CLVS2: variants seen among roughly 807,000 people sequenced by gnomAD.
CLVS2 encodes clavesin-2.
CLVS2 carries 19 observed loss-of-function variants against 29.0 expected under a neutral mutation model. The observed-to-expected ratio is 0.66, with a 90% CI of 0.46 to 0.96. CLVS2 has a LOEUF of 0.96. Ranked by LOEUF, CLVS2 falls within the 40% of genes least tolerant of loss-of-function variation. The pLI is 0.00. For missense variants in CLVS2, 294 were observed against 404.1 expected, an observed-to-expected ratio of 0.73 and a Z score of 2.34; for synonymous variants, 161 against 151.3, an observed-to-expected ratio of 1.06 and a Z score of -0.47.
At chr6:123,016,379 T>G (rs1774834770) in intron 3 of CLVS2, among the ~76,000 whole-genome samples, 1 of 151,490 alleles carries the variant, frequency 6.6e-6, no homozygotes, top group Non-Finnish European at 1.5e-5. Context: ...TTTAATAAAA[T>G]GTCTCTAAAA....
At chr6:123,008,235 A>C (rs1001834712) in intron 2 of CLVS2, among the ~76,000 whole-genome samples, 2 of 152,110 alleles carry the variant, frequency 1.3e-5, no homozygotes, top group African/African-American at 4.8e-5. Context: ...AAATCATTTG[A>C]TTCTCTTCTT....
intron 3 of CLVS2, among the ~76,000 whole-genome samples, chr6:123,012,513 T>C (rs1419934896): frequency 6.6e-6 from 1 of 151,870 alleles, no homozygotes; most frequent in African/African-American, 2.4e-5. Flanking sequence ...AAAAAAACAC[T>C]TCAAGAATAG....
At position 123,010,067 on chromosome 6, in the gene CLVS2, T is replaced by G. The variant is rs538616912; in HGVS notation, c.390-918T>G. Reference sequence around the variant, plus strand: ...CTATTTTTGCATTATTGATATTGATTAAAAATTTTACTATGTATTCAGGCT... The same window carrying G: ...CTATTTTTGCATTATTGATATTGATGAAAAATTTTACTATGTATTCAGGCT... On this transcript the variant is annotated intron_variant, in intron 2 of 5. Transcript: ENST00000275162. 2.6e-5 allele frequency among the ~76,000 whole-genome samples: 4 copies of G among 152,204 alleles called. No homozygotes were observed. The East Asian group carries it at 7.7e-4, about 29-fold the overall frequency.
intron 3 of CLVS2, among the ~76,000 whole-genome samples, chr6:123,040,164 A>G (rs1435666243): frequency 6.6e-6 from 1 of 152,206 alleles, no homozygotes; most frequent in Admixed American, 6.5e-5. Context: ...TGATTTGTCA[A>G]TAATTGGAAT....
intron 4 of CLVS2, among the ~76,000 whole-genome samples, chr6:123,052,422 A>C (rs1772625058): frequency 1.3e-5 from 2 of 152,210 alleles, no homozygotes; most frequent in South Asian, 4.1e-4. Flanking sequence ...TTTCATGCTA[A>C]GAGAAAGAAG....
intron 3 of CLVS2, among the ~76,000 whole-genome samples, chr6:123,033,248 T>C (rs914662224): frequency 2.1e-4 from 32 of 152,102 alleles, no homozygotes; most frequent in Admixed American, 1.4e-3. Context: ...AAGATTATAT[T>C]TGAAAGATAT....
chr6:123,003,491 G>A (rs991220099), intron 2 of CLVS2, among the ~76,000 whole-genome samples: 7 of 151,960 alleles, frequency 4.6e-5, no homozygotes, highest in African/African-American at 9.7e-5. Context: ...CACTATTATC[G>A]TAACATGAAG....
rs1300025562 is a variant in CLVS2, at chr6:123,064,553, C to CT, written c.*795dup. The CT allele has an allele frequency of 2.0e-5, 3 of 151,856 alleles. No individual in the cohort carries two copies. Among genetic ancestry groups the CT allele is most frequent in the Admixed American group, 2.0e-4 (3 of 15,198 alleles). 9.4% of individuals were successfully genotyped at this position (151,856 alleles called of 1,614,324 possible). On this transcript the variant is annotated 3_prime_UTR_variant, in exon 6 of 6. Transcript: ENST00000275162. ...CTAAGTACATTTCCCCTCCAAAACTCTTTGACTAAGAGAATGAGAACTCAT... is the reference window on the plus strand; with the variant it reads ...CTAAGTACATTTCCCCTCCAAAACTCTTTTGACTAAGAGAATGAGAACTCAT...
chr6:123,063,897 CAGGCTTT>C lies in CLVS2; in HGVS notation c.*137_*143del. On this transcript the variant is annotated 3_prime_UTR_variant, in exon 6 of 6. Coordinates refer to ENST00000275162, the MANE Select transcript of CLVS2 (RefSeq NM_001010852.4). The stretch of plus-strand genomic sequence containing the variant: ...TGTAGCATAATATATAACAAGGCAT[CAGGCTTT>C]CCTTGGCCTGAACCATGGGGGCCCT... The C allele has an allele frequency of 1.9e-6, 1 of 537,740 alleles. No homozygotes were observed. 33.3% of individuals were successfully genotyped at this position (537,740 alleles called of 1,614,324 possible). A position where few individuals can be genotyped will look rare whatever the true frequency, so the allele number is the denominator to read the frequency against.
Position 123,070,506 on chromosome 6 carries a change from A to G in CLVS2, c.*6745A>G, listed in dbSNP as rs1471391849. The G allele has an allele frequency of 6.6e-6, 1 of 151,856 alleles. No individual in the cohort carries two copies. Among genetic ancestry groups the G allele is most frequent in the Non-Finnish European group, 1.5e-5 (1 of 67,906 alleles). 9.4% of individuals were successfully genotyped at this position (151,856 alleles called of 1,614,324 possible). ...ACTAGTCTTCTTGCTTCCAGAGTCAATTTTCAACACATTAGCAAGAGTGAG... is the reference window on the plus strand; with the variant it reads ...ACTAGTCTTCTTGCTTCCAGAGTCAGTTTTCAACACATTAGCAAGAGTGAG... On this transcript the variant is annotated 3_prime_UTR_variant, in exon 6 of 6. Transcript: ENST00000275162.
chr6:123,006,750 G>A (rs1035739362), intron 2 of CLVS2, among the ~76,000 whole-genome samples: 1 of 152,126 alleles, frequency 6.6e-6, no homozygotes, highest in East Asian at 1.9e-4. Flanking sequence ...TGTTCAGATG[G>A]CAACTAGAAA....
chr6:122,998,556 A>G (rs1328000246), intron 2 of CLVS2, among the ~76,000 whole-genome samples: 1 of 152,166 alleles, frequency 6.6e-6, no homozygotes, highest in Non-Finnish European at 1.5e-5. Flanking sequence ...AAAATTCTTA[A>G]ACTAGACCCA....
At chr6:123,030,520 A>T (rs1306901835) in intron 3 of CLVS2, among the ~76,000 whole-genome samples, 3 of 152,170 alleles carry the variant, frequency 2.0e-5, no homozygotes, top group Non-Finnish European at 4.4e-5. Context: ...CTGAGCATAA[A>T]GGTCAGCCCT....
intron 3 of CLVS2, among the ~76,000 whole-genome samples, chr6:123,043,147 C>T (rs189842239): frequency 6.6e-6 from 1 of 152,268 alleles, no homozygotes; most frequent in East Asian, 1.9e-4. Flanking sequence ...TAACTATTAT[C>T]ATAATTCCAG....
intron 5 of CLVS2, among the ~76,000 whole-genome samples, chr6:123,058,866 C>T (rs1239112583): frequency 6.6e-6 from 1 of 152,098 alleles, no homozygotes; most frequent in Admixed American, 6.5e-5. Context: ...CTATGTTGCC[C>T]AGACTGGTCT....
chr6:123,065,696 T>G lies in CLVS2; in HGVS notation c.*1935T>G, dbSNP rs1042205006. On this transcript the variant is annotated 3_prime_UTR_variant, in exon 6 of 6. Coordinates refer to ENST00000275162, the MANE Select transcript of CLVS2 (RefSeq NM_001010852.4). ...ACATACATTTTGTAGCCATGGGCTT[T>G]TTAGACTATATAAATCTTAGGCAGT... The G allele has an allele frequency of 4.0e-5, 6 of 151,802 alleles. No homozygotes were observed. Among genetic ancestry groups the G allele is most frequent in the African/African-American group, 1.4e-4 (6 of 41,414 alleles). 9.4% of individuals were successfully genotyped at this position (151,802 alleles called of 1,614,324 possible). A position where few individuals can be genotyped will look rare whatever the true frequency, so the allele number is the denominator to read the frequency against.
At chr6:123,060,011 A>G (rs948430922) in intron 5 of CLVS2, among the ~76,000 whole-genome samples, 3 of 152,230 alleles carry the variant, frequency 2.0e-5, no homozygotes. Flanking sequence ...AGATTAAGAA[A>G]GGTGTTGCAC....
At chr6:123,029,375 T>C (rs535020676) in intron 3 of CLVS2, among the ~76,000 whole-genome samples, 1 of 152,162 alleles carries the variant, frequency 6.6e-6, no homozygotes. Context: ...AAGCCATTAG[T>C]TCTTGCTTAG....
chr6:123,021,891 C>T (rs141153710), intron 3 of CLVS2, among the ~76,000 whole-genome samples: 1 of 151,886 alleles, frequency 6.6e-6, no homozygotes, highest in Non-Finnish European at 1.5e-5. Context: ...CAGTTATTAC[C>T]TAAAATTGTT....
Sources: allele counts gnomAD v4.1 joint callset (sites outside exome capture counted in the v4.1 genomes callset), GRCh38; gene constraint gnomAD v4.1.1; transcripts MANE v1.5; gene names NCBI Gene and HGNC (gene_info 2026-07-23, HGNC 2026-07-21).